Variants in TUB observed in about 807,000 individuals in gnomAD.
The protein encoded by TUB is tubby protein homolog.
TUB carries 33 observed loss-of-function variants against 59.7 expected under a neutral mutation model. That is an observed-to-expected ratio of 0.55 (90% CI 0.42 to 0.74). The LOEUF is 0.74. Ranked by LOEUF, TUB falls within the 30% of genes least tolerant of loss-of-function variation. The pLI, the probability that TUB is intolerant of heterozygous loss-of-function variation, is 0.00. For synonymous variants in TUB, 293 were observed against 256.4 expected, an observed-to-expected ratio of 1.14 and a Z score of -1.36; for missense variants, 659 against 672.0, an observed-to-expected ratio of 0.98 and a Z score of 0.21.
At chr11:8,098,599 T>C (rs568600925) in intron 8 of TUB, among the ~76,000 whole-genome samples, 159 bp from the exon 9 acceptor site, 33 of 152,288 alleles carry the variant, frequency 2.2e-4, no homozygotes, top group African/African-American at 7.9e-4. Flanking sequence ...CCACGAAGTG[T>C]CTTCAAAGAT....
chr11:8,027,444 T>C (rs1489524117), intron 1 of TUB, among the ~76,000 whole-genome samples: 2 of 152,250 alleles, frequency 1.3e-5, no homozygotes, highest in Admixed American at 1.3e-4. Flanking sequence ...ATATATTTTT[T>C]GGCTGAATAA....
At chr11:8,046,963 A>G (rs1445143421) in intron 2 of TUB, among the ~76,000 whole-genome samples, 1 of 152,202 alleles carries the variant, frequency 6.6e-6, no homozygotes, top group Non-Finnish European at 1.5e-5. Context: ...GAAAGTTTAC[A>G]AATTTATGTT....
At chr11:8,093,668 C>G (rs1479256696) in intron 3 of TUB, among the ~76,000 whole-genome samples, 1 of 152,190 alleles carries the variant, frequency 6.6e-6, no homozygotes, top group Non-Finnish European at 1.5e-5. Context: ...GAAGATGCAG[C>G]CTTTGTTCTT....
chr11:8,032,595 C>T (rs1942590897), intron 1 of TUB, among the ~76,000 whole-genome samples: 1 of 152,224 alleles, frequency 6.6e-6, no homozygotes, highest in Non-Finnish European at 1.5e-5. Context: ...AGATATTCTC[C>T]CAGGGCATAC....
chr11:8,101,145 C>T (rs747246826), intron 11 of TUB, 148 bp downstream of exon 11: 7 of 1,008,130 alleles, frequency 6.9e-6, no homozygotes, highest in Middle Eastern at 5.1e-4. Context: ...ACTTTCTAAC[C>T]CTAATGACTG....
chr11:8,039,126 G>A (rs972565308), intron 1 of TUB: 4 of 1,440,586 alleles, frequency 2.8e-6, no homozygotes, highest in African/African-American at 1.4e-5. Context: ...CAGTCCCAAG[G>A]CCTCCCCTTC....
At chr11:8,026,437 TTTGAG>T (rs1364765641) in intron 1 of TUB, among the ~76,000 whole-genome samples, 1 of 151,156 alleles carries the variant, frequency 6.6e-6, no homozygotes, top group East Asian at 2.0e-4. Flanking sequence ...TTTGCTACAT[TTTGAG>T]TTAACTTTTT....
rs1183558882 is a variant in TUB at position 8,081,257 on chromosome 11, C to A, written c.-254C>A. 1 of 562,662 alleles carries A rather than the reference C, an allele frequency of 1.8e-6. No homozygotes were observed. The highest frequency in any genetic ancestry group is 2.3e-6 in the Non-Finnish European group (1 of 443,786). The allele number at this position is 562,662 out of a possible 1,614,324, so 34.9% of individuals were successfully genotyped here. A position where few individuals can be genotyped will look rare whatever the true frequency, so the allele number is the denominator to read the frequency against. ...GGGCGCGGGACGGTGCGGTCGGCCT[C>A]CCCGCCTCCACGCGCGCGCACGACC... On this transcript the variant is annotated 5_prime_UTR_variant, in exon 1 of 12. Coordinates refer to ENST00000299506, the MANE Select transcript of TUB (RefSeq NM_177972.3).
intron 1 of TUB, among the ~76,000 whole-genome samples, chr11:8,081,900 C>T (rs1371757623): frequency 6.6e-6 from 1 of 152,228 alleles, no homozygotes; most frequent in Admixed American, 6.5e-5. Flanking sequence ...CGCACACGCT[C>T]ATACATCTGC....
chr11:8,078,751 G>A (rs766866158), upstream of TUB, among the ~76,000 whole-genome samples: 1 of 151,968 alleles, frequency 6.6e-6, no homozygotes, highest in Non-Finnish European at 1.5e-5. Context: ...AAACAGTCCT[G>A]CTGCCCCCAA....
intron 1 of TUB, chr11:8,019,409 T>G: frequency 8.1e-7 from 1 of 1,229,216 alleles, no homozygotes; most frequent in Non-Finnish European, 1.0e-6. Flanking sequence ...ACCCTCGATC[T>G]CCTGCGGGAG....
chr11:8,082,472 G>A (rs746466250), intron 1 of TUB, among the ~76,000 whole-genome samples: 1 of 152,178 alleles, frequency 6.6e-6, no homozygotes, highest in Admixed American at 6.5e-5. Context: ...CCATGGCAGC[G>A]CCAGATTCTT....
intron 1 of TUB, among the ~76,000 whole-genome samples, chr11:8,023,794 G>A (rs181833614): frequency 6.6e-6 from 1 of 152,184 alleles, no homozygotes; most frequent in Admixed American, 6.5e-5. Context: ...AAAATGACTG[G>A]CACAAAGTGG....
intron 2 of TUB, among the ~76,000 whole-genome samples, chr11:8,041,844 A>G (rs896692060): frequency 6.6e-6 from 1 of 152,098 alleles, no homozygotes; most frequent in African/African-American, 2.4e-5. Flanking sequence ...TGTGGGGGGA[A>G]TTCCTTCGTG....
intron 2 of TUB, among the ~76,000 whole-genome samples, chr11:8,063,111 G>A (rs1564907267): frequency 6.6e-6 from 1 of 152,148 alleles, no homozygotes. Context: ...CTGTCTCAGG[G>A]CCCAGCGCCT....
At chr11:8,098,084 AC>A (rs1321907157) in intron 8 of TUB, among the ~76,000 whole-genome samples, 1 of 152,012 alleles carries the variant, frequency 6.6e-6, no homozygotes, top group Non-Finnish European at 1.5e-5. Flanking sequence ...GATGGATCCA[AC>A]CCCAGGGTGT....
At chr11:8,100,288 G>A (rs1334492006) in intron 9 of TUB, among the ~76,000 whole-genome samples, 1 of 152,168 alleles carries the variant, frequency 6.6e-6, no homozygotes, top group African/African-American at 2.4e-5. Context: ...GCATTGCCGT[G>A]AGCAGAAGCA....
At chr11:8,088,727 T>C (rs1020436778) in intron 1 of TUB, among the ~76,000 whole-genome samples, 1 of 152,212 alleles carries the variant, frequency 6.6e-6, no homozygotes, top group African/African-American at 2.4e-5. Flanking sequence ...GTCTCATGCA[T>C]GTGTCTCTGG....
chr11:8,029,746 T>C (rs1364751118), intron 1 of TUB, among the ~76,000 whole-genome samples: 1 of 151,986 alleles, frequency 6.6e-6, no homozygotes, highest in Non-Finnish European at 1.5e-5. Context: ...GGCCTCGGTG[T>C]GTGTTCTGTG....
Sources: allele counts gnomAD v4.1 joint callset (sites outside exome capture counted in the v4.1 genomes callset), GRCh38; gene constraint gnomAD v4.1.1; transcripts MANE v1.5; gene names NCBI Gene and HGNC (gene_info 2026-07-23, HGNC 2026-07-21).